ZNF324B: variants seen among roughly 807,000 people sequenced by gnomAD.
ZNF324B encodes zinc finger protein 324B.
Under a neutral mutation model 10.6 loss-of-function variants are expected in ZNF324B, and 7 were observed. That is an observed-to-expected ratio of 0.66 (90% CI 0.38 to 1.24). ZNF324B has a LOEUF of 1.24. Ranked by LOEUF, ZNF324B falls within the 50% of genes most tolerant of loss-of-function variation. The pLI is 0.02. For synonymous variants in ZNF324B, 316 were observed against 321.0 expected, an observed-to-expected ratio of 0.98 and a Z score of 0.17; for missense variants, 640 against 764.7, an observed-to-expected ratio of 0.84 and a Z score of 1.92.
rs149441203 is a variant in ZNF324B, at chr19:58,457,615, G to A, written c.*1036G>A. ...TAGGAAGGACTTGCCATTACCTAAG[G>A]CCATGTGTGACAGCCTCCTGAGGAC... On this transcript the variant is annotated 3_prime_UTR_variant, in exon 4 of 4. Coordinates refer to ENST00000336614, the MANE Select transcript of ZNF324B (RefSeq NM_207395.3). 3.4e-5 allele frequency: 5 copies of A among 148,432 alleles called. No homozygotes were observed. The East Asian group carries it at 1.0e-3, about 30-fold the overall frequency. The allele number at this position is 148,432 out of a possible 1,614,324, so 9.2% of individuals were successfully genotyped here. A position where few individuals can be genotyped will look rare whatever the true frequency, so the allele number is the denominator to read the frequency against.
chr19:58,446,944 TTTTC>T (rs1207676019), upstream of ZNF324B, among the ~76,000 whole-genome samples: 8 of 151,766 alleles, frequency 5.3e-5, no homozygotes, highest in South Asian at 1.7e-3. Context: ...TTTCCTTTCC[TTTTC>T]TTTCTTTTCT....
chr19:58,448,385 C>T (rs1234332113), upstream of ZNF324B, among the ~76,000 whole-genome samples: 1 of 152,162 alleles, frequency 6.6e-6, no homozygotes. Flanking sequence ...TGGCATTTTG[C>T]CCCTGCTGTA....
At position 58,456,636 on chromosome 19, in the gene ZNF324B, A is replaced by G; in HGVS notation, c.*57A>G. On this transcript the variant is annotated 3_prime_UTR_variant, in exon 4 of 4. Coordinates refer to ENST00000336614, the MANE Select transcript of ZNF324B (RefSeq NM_207395.3). This position sits in a 1 kb window ranked among gnomAD's most constrained non-coding sequence, Gnocchi z 4.7. ...CCTTCTGTGAATCCCTTCCACAGCTAAAGGGTCCGAGTGCTCTTCAGATCC... is the reference window on the plus strand; with the variant it reads ...CCTTCTGTGAATCCCTTCCACAGCTGAAGGGTCCGAGTGCTCTTCAGATCC... 3 of 1,558,470 alleles carry G rather than the reference A, an allele frequency of 1.9e-6. No homozygotes were observed. Among genetic ancestry groups the G allele is most frequent in the Non-Finnish European group, 2.6e-6 (3 of 1,148,456 alleles).
chr19:58,454,719 C>A (rs908061125), intron 3 of ZNF324B: 1 of 562,386 alleles, frequency 1.8e-6, no homozygotes, highest in Non-Finnish European at 3.2e-6. Flanking sequence ...CATGGTCCTG[C>A]CTTTGTGGGG....
the ZNF324B span, chr19:58,434,110 T>C: frequency 6.2e-7 from 1 of 1,613,384 alleles, no homozygotes; most frequent in Non-Finnish European, 8.5e-7. Context: ...CTGAGCAAGG[T>C]TGGAGTTATT....
chr19:58,422,276 TAATG>T, the ZNF324B span, among the ~76,000 whole-genome samples: 1 of 151,994 alleles, frequency 6.6e-6, no homozygotes, highest in African/African-American at 2.4e-5. Context: ...CTCAACATAA[TAATG>T]GCCATATATG....
At chr19:58,437,392 G>A in the ZNF324B span, among the ~76,000 whole-genome samples, 1 of 152,108 alleles carries the variant, frequency 6.6e-6, no homozygotes, top group South Asian at 2.1e-4. Flanking sequence ...ACATGCCCTG[G>A]AATTAATGGT....
In ZNF324B at chr19:58,455,417, T is replaced by G. The variant is rs778545575; in HGVS notation, c.473T>G (p.Ile158Ser). Reference protein sequence around the residue: ...LLGSRSDQASISLRLTSPLRP... With the variant: ...LLGSRSDQASSSLRLTSPLRP... ...GGCTCGCGCAGTGACCAGGCCAGCA[T>G]CAGCCTGCGACTGACCTCCCCACTC... The change falls in exon 4 of 4, where the codon ATC (isoleucine) becomes AGC (serine). Residue 158 changes from isoleucine (I) to serine (S), a missense_variant. By Grantham distance (142) the Ile-to-Ser change is moderately radical. Coordinates refer to ENST00000336614, the MANE Select transcript of ZNF324B (RefSeq NM_207395.3). This position sits in a 1 kb window ranked among gnomAD's most constrained non-coding sequence, Gnocchi z 7.0. 6.2e-7 allele frequency: 1 copy of G among 1,614,060 alleles called. No individual in the cohort carries two copies. The highest frequency in any genetic ancestry group is 8.5e-7 in the Non-Finnish European group (1 of 1,179,988).
At chr19:58,431,645 C>G in the ZNF324B span, among the ~76,000 whole-genome samples, 159 of 152,282 alleles carry the variant, frequency 1.0e-3, no homozygotes, top group African/African-American at 3.7e-3. Flanking sequence ...GTCAAAGAAA[C>G]AGCAGCAGCT....
the ZNF324B span, among the ~76,000 whole-genome samples, chr19:58,436,694 GA>G: frequency 4.9e-5 from 7 of 142,116 alleles, no homozygotes; most frequent in African/African-American, 2.6e-5. Context: ...AAAAAAAAAG[GA>G]AAAAAAAATC....
At chr19:58,429,020 C>T in the ZNF324B span, 3 of 152,218 alleles carry the variant, frequency 2.0e-5, no homozygotes, top group Non-Finnish European at 4.4e-5. Flanking sequence ...AGAGCTAGCT[C>T]TGGGCCCACA....
chr19:58,439,687 C>T, the ZNF324B span: 1 of 1,442,454 alleles, frequency 6.9e-7, no homozygotes, highest in Non-Finnish European at 9.2e-7. Flanking sequence ...ACCAACATCC[C>T]CTCTATCTGG....
upstream of ZNF324B, among the ~76,000 whole-genome samples, chr19:58,451,255 T>G (rs904048750): frequency 3.9e-5 from 6 of 152,220 alleles, no homozygotes; most frequent in African/African-American, 1.2e-4. Flanking sequence ...CGGTGCGTTT[T>G]CTCCTCCCTG....
the ZNF324B span, chr19:58,434,535 T>G: frequency 1.2e-6 from 2 of 1,614,092 alleles, no homozygotes; most frequent in Admixed American, 1.7e-5. Flanking sequence ...TCAGCTTAGA[T>G]GAGTGACTAA....
rs375594554 is a variant in ZNF324B at position 58,456,270 on chromosome 19, G to A, written c.1326G>A (p.Gln442=). Residue 442 remains glutamine, a synonymous_variant, in exon 4 of 4, where the codon CAG becomes CAA. Coordinates refer to ENST00000336614, the MANE Select transcript of ZNF324B (RefSeq NM_207395.3). This position sits in a 1 kb window ranked among gnomAD's most constrained non-coding sequence, Gnocchi z 4.7. Reference sequence around the variant, plus strand: ...TTAGCCGCAGCTCCAACCTCACCCAGCACCAGCTCCTGCACACGGGCGAGC... The same window carrying A: ...TTAGCCGCAGCTCCAACCTCACCCAACACCAGCTCCTGCACACGGGCGAGC... ...RSFSRSSNLT[Q]HQLLHTGERP... The A allele has an allele frequency of 1.0e-4, 164 of 1,613,094 alleles. No homozygotes were observed. Among genetic ancestry groups the A allele is most frequent in the Non-Finnish European group, 1.4e-4 (162 of 1,179,868 alleles).
chr19:58,439,880 G>A, the ZNF324B span: 1 of 1,515,412 alleles, frequency 6.6e-7, no homozygotes, highest in Non-Finnish European at 8.9e-7. Flanking sequence ...TCCGCTGGGT[G>A]ACGGTCGCAC....
At chr19:58,454,130 G>C in intron 2 of ZNF324B, 98 bp from the exon 3 acceptor site, 1 of 819,014 alleles carries the variant, frequency 1.2e-6, no homozygotes, top group Non-Finnish European at 2.0e-6. Context: ...CAGTTGCACA[G>C]ATTACTGTCT....
rs2052913875 is a variant in ZNF324B, at chr19:58,455,880, C to G, written c.936C>G (p.Pro312=). Residue 312 remains proline, a synonymous_variant, in exon 4 of 4, where the codon CCC becomes CCG. Transcript: ENST00000336614. The surrounding 1 kb of genome is among the most constrained non-coding windows in gnomAD (Gnocchi z 7.0). ...QHQRIHSGET[P]YACPVCGKAF... ...AGCGCATCCACAGCGGCGAGACGCCCTACGCGTGCCCCGTGTGCGGCAAGG... is the reference window on the plus strand; with the variant it reads ...AGCGCATCCACAGCGGCGAGACGCCGTACGCGTGCCCCGTGTGCGGCAAGG... The G allele has an allele frequency of 1.2e-6, 2 of 1,608,360 alleles. No homozygotes were observed. The highest frequency in any genetic ancestry group is 1.3e-5 in the African/African-American group (1 of 74,968).
chr19:58,440,059 C>G, the ZNF324B span: 4 of 529,242 alleles, frequency 7.6e-6, no homozygotes, highest in Non-Finnish European at 1.3e-5. Context: ...CGTGTGAAGG[C>G]GCGGTGACGG....
Sources: allele counts gnomAD v4.1 joint callset (sites outside exome capture counted in the v4.1 genomes callset), GRCh38; gene constraint gnomAD v4.1.1; non-coding constraint Gnocchi (gnomAD v3.1); transcripts MANE v1.5; gene names NCBI Gene and HGNC (gene_info 2026-07-23, HGNC 2026-07-21).